The following RBFOX1 variants were observed in gnomAD, a reference collection of about 807,000 sequenced individuals.
RBFOX1 encodes the protein RNA binding fox-1 homolog 1.
In RBFOX1, 8 loss-of-function variants were observed where a neutral mutation model predicts 57.7. That is an observed-to-expected ratio of 0.14 (90% confidence interval 0.08 to 0.25). The LOEUF (loss-of-function observed/expected upper bound fraction) is 0.25. Ranked by LOEUF, RBFOX1 falls within the 10% of genes least tolerant of loss-of-function variation. The probability of loss-of-function intolerance (pLI) is 1.00; values close to 1 mark genes in which losing one functional copy is unlikely to be tolerated. For missense variants in RBFOX1, 611 were observed against 548.5 expected, an observed-to-expected ratio of 1.11 and a Z score of -1.14; for synonymous variants, 326 against 222.4, an observed-to-expected ratio of 1.47 and a Z score of -4.15.
intron 9 of RBFOX1, among the ~76,000 whole-genome samples, chr16:7,597,740 G>A (rs2094782572): frequency 6.6e-6 from 1 of 152,180 alleles, no homozygotes; most frequent in Non-Finnish European, 1.5e-5. Flanking sequence ...TAAGTTGAGG[G>A]GAGAATTGGA....
intron 4 of RBFOX1, among the ~76,000 whole-genome samples, chr16:6,003,029 C>A (rs1266335961): frequency 6.6e-6 from 1 of 152,108 alleles, no homozygotes; most frequent in African/African-American, 2.4e-5. Flanking sequence ...CCTGTAATCC[C>A]AACACTTTGG....
chr16:7,691,578 C>T (rs2077347298), intron 14 of RBFOX1, among the ~76,000 whole-genome samples: 1 of 152,064 alleles, frequency 6.6e-6, no homozygotes, highest in Non-Finnish European at 1.5e-5. Flanking sequence ...AATTCTGAAA[C>T]AATTTTTAAA....
intron 4 of RBFOX1, among the ~76,000 whole-genome samples, chr16:7,288,122 A>G (rs1235338092): frequency 1.3e-5 from 2 of 152,144 alleles, no homozygotes; most frequent in East Asian, 3.9e-4. Flanking sequence ...TGGTTTCCAT[A>G]TAACAGGGAA....
At chr16:7,187,567 T>C (rs2084194312) in intron 4 of RBFOX1, among the ~76,000 whole-genome samples, 1 of 151,078 alleles carries the variant, frequency 6.6e-6, no homozygotes, top group African/African-American at 2.4e-5. Context: ...CGGGCGCCTG[T>C]AGTCCCACCT....
At chr16:5,840,019 T>TGCTA (rs2056578163) in intron 3 of RBFOX1, among the ~76,000 whole-genome samples, 1 of 152,184 alleles carries the variant, frequency 6.6e-6, no homozygotes, top group Admixed American at 6.5e-5. Flanking sequence ...CCAGAGGCTG[T>TGCTA]GCTAGACTCT....
chr16:6,804,386 A>T (rs1273166998), intron 3 of RBFOX1, among the ~76,000 whole-genome samples: 3 of 152,132 alleles, frequency 2.0e-5, no homozygotes, highest in Admixed American at 6.6e-5. Flanking sequence ...TAGGATCCCT[A>T]ATGCCCCATC....
chr16:5,847,289 C>G (rs1214117893), intron 3 of RBFOX1, among the ~76,000 whole-genome samples: 4 of 151,452 alleles, frequency 2.6e-5, no homozygotes, highest in African/African-American at 9.7e-5. Context: ...GACTTGGATT[C>G]CATTTCCAGC....
chr16:7,466,371 G>C (rs140133344), intron 4 of RBFOX1, among the ~76,000 whole-genome samples: 1 of 152,142 alleles, frequency 6.6e-6, no homozygotes, highest in East Asian at 1.9e-4. Flanking sequence ...GCTTCTAACT[G>C]CATTATCTCA....
intron 2 of RBFOX1, among the ~76,000 whole-genome samples, chr16:5,511,150 C>T (rs1038689455): frequency 6.6e-5 from 10 of 152,162 alleles, no homozygotes; most frequent in African/African-American, 2.4e-4. Flanking sequence ...CAGCCTAAGC[C>T]CTGGCCCCTG....
chr16:6,196,534 C>A (rs1249391753), intron 1 of RBFOX1, among the ~76,000 whole-genome samples: 2 of 152,066 alleles, frequency 1.3e-5, no homozygotes, highest in Non-Finnish European at 2.9e-5. Flanking sequence ...AATATGGATG[C>A]GTGGCTGCGA....
At chr16:5,602,950 A>G (rs1250310527), downstream of RBFOX1, among the ~76,000 whole-genome samples, 1 of 152,214 alleles carries the variant, frequency 6.6e-6, no homozygotes, top group Non-Finnish European at 1.5e-5. Context: ...TGTCATGGAA[A>G]TGCTGTGTCG....
At chr16:7,542,446 G>T (rs1016165423) in intron 5 of RBFOX1, among the ~76,000 whole-genome samples, 1 of 152,096 alleles carries the variant, frequency 6.6e-6, no homozygotes, top group Admixed American at 6.5e-5. Context: ...CAAGTGCAGA[G>T]GAAGGAGAAC....
intron 1 of RBFOX1, among the ~76,000 whole-genome samples, chr16:6,204,387 G>C (rs1598345225): frequency 1.3e-5 from 2 of 152,146 alleles, no homozygotes; most frequent in East Asian, 3.9e-4. Flanking sequence ...GCAATGTTGT[G>C]GGGAATCCAC....
intron 10 of RBFOX1, among the ~76,000 whole-genome samples, chr16:7,615,208 C>T (rs994348226): frequency 3.3e-5 from 5 of 152,162 alleles, no homozygotes; most frequent in Admixed American, 6.5e-5. Context: ...TGGCGGGCAC[C>T]TGTAGTCCCA....
At chr16:6,993,228 G>C (rs2091784236) in intron 3 of RBFOX1, among the ~76,000 whole-genome samples, 1 of 152,142 alleles carries the variant, frequency 6.6e-6, no homozygotes, top group African/African-American at 2.4e-5. Context: ...ATGACTTGTT[G>C]CTACTGTAGA....
chr16:6,781,364 C>G (rs1026678576), intron 3 of RBFOX1, among the ~76,000 whole-genome samples: 3 of 152,062 alleles, frequency 2.0e-5, no homozygotes, highest in Non-Finnish European at 4.4e-5. Context: ...TCATGTTCAT[C>G]AGATATATTA....
chr16:7,634,721 C>T (rs1222174196), intron 11 of RBFOX1, among the ~76,000 whole-genome samples: 4 of 152,082 alleles, frequency 2.6e-5, no homozygotes, highest in African/African-American at 7.2e-5. Flanking sequence ...AGTTTTTCTC[C>T]GTCACCCCTG....
At chr16:7,258,224 A>T (rs781175367) in intron 4 of RBFOX1, among the ~76,000 whole-genome samples, 5 of 152,218 alleles carry the variant, frequency 3.3e-5, no homozygotes, top group Non-Finnish European at 7.3e-5. Context: ...TGCACACCAT[A>T]AAGATCTTAA....
chr16:5,518,636 A>G (rs1055753978), intron 2 of RBFOX1, among the ~76,000 whole-genome samples: 1 of 152,194 alleles, frequency 6.6e-6, no homozygotes, highest in African/African-American at 2.4e-5. Context: ...GACCTGGATT[A>G]GTGGTTCATA....
Sources: allele counts gnomAD v4.1 joint callset (sites outside exome capture counted in the v4.1 genomes callset), GRCh38; gene constraint gnomAD v4.1.1; transcripts MANE v1.5; gene names NCBI Gene and HGNC (gene_info 2026-07-23, HGNC 2026-07-21).